Variants in TEX30 observed in about 807,000 individuals in gnomAD.
The protein encoded by TEX30 is testis expressed 30.
TEX30 carries 14 observed loss-of-function variants against 23.8 expected under a neutral mutation model. That is an observed-to-expected ratio of 0.59 (90% CI 0.39 to 0.92). The LOEUF (loss-of-function observed/expected upper bound fraction) is 0.92, where lower values mean the gene tolerates loss of function less well. Among genes scored for constraint, TEX30 ranks in the 40% least tolerant of loss-of-function variants. The probability of loss-of-function intolerance (pLI) is 0.00; values close to 1 mark genes in which losing one functional copy is unlikely to be tolerated. For synonymous variants in TEX30, 78 were observed against 90.2 expected (o/e 0.87, Z 0.76); for missense variants, 246 against 270.6 (o/e 0.91, Z 0.64).
In TEX30 at chr13:102,765,888, T is replaced by A. The variant is rs979103632; in HGVS notation, c.*513A>T. Reference sequence around the variant, plus strand: ...GTAATAAGCCTTCAGTGAACACTTCTTGAATTAAAGATCTTTATTTCATTC... The same window carrying A: ...GTAATAAGCCTTCAGTGAACACTTCATGAATTAAAGATCTTTATTTCATTC... On this transcript the variant is annotated 3_prime_UTR_variant, in exon 6 of 6. Coordinates refer to ENST00000376032, the MANE Select transcript of TEX30 (RefSeq NM_138779.5). The A allele has an allele frequency of 1.3e-5, 2 of 152,326 alleles. No individual in the cohort carries two copies. Among genetic ancestry groups the A allele is most frequent in the Non-Finnish European group, 2.9e-5 (2 of 68,114 alleles). The allele number at this position is 152,326 out of a possible 1,614,324, so 9.4% of individuals were successfully genotyped here.
chr13:102,772,017 A>G (rs1877357416), intron 1 of TEX30, among the ~76,000 whole-genome samples: 1 of 152,082 alleles, frequency 6.6e-6, no homozygotes, highest in Non-Finnish European at 1.5e-5. Flanking sequence ...TTCCTTTCCT[A>G]TTCTCCCATT....
chr13:102,770,174 T>C, intron 1 of TEX30, 88 bp from the exon 2 acceptor site: 1 of 446,850 alleles, frequency 2.2e-6, no homozygotes, highest in East Asian at 3.6e-5. Flanking sequence ...GTAGCTAAAA[T>C]AAACATTTAG....
At chr13:102,769,959 A>C in intron 2 of TEX30, 53 bp downstream of exon 2, 2 of 1,385,554 alleles carry the variant, frequency 1.4e-6, no homozygotes, top group South Asian at 1.8e-5. Flanking sequence ...ACATAATTAC[A>C]AACAAACAAA....
chr13:102,772,151 T>A (rs1037197007), intron 1 of TEX30, among the ~76,000 whole-genome samples: 5 of 152,178 alleles, frequency 3.3e-5, no homozygotes, highest in Non-Finnish European at 5.9e-5. Context: ...CTATTTTTTT[T>A]TTTTTTGAGA....
At chr13:102,770,130 G>C (rs929949979) in intron 1 of TEX30, 44 bp from the exon 2 acceptor site, 1 of 706,440 alleles carries the variant, frequency 1.4e-6, no homozygotes, top group African/African-American at 1.8e-5. Flanking sequence ...GGCAGACATG[G>C]ATATGACACA....
intron 5 of TEX30, 23 bp from the exon 6 acceptor site, chr13:102,766,603 A>G (rs754043002): frequency 6.2e-7 from 1 of 1,603,728 alleles, no homozygotes; most frequent in East Asian, 2.2e-5. Flanking sequence ...AGAAGAGGAT[A>G]CTAGACTAAT....
At chr13:102,769,821 G>A (rs1363771965) in intron 2 of TEX30, 191 bp downstream of exon 2, 3 of 528,944 alleles carry the variant, frequency 5.7e-6, no homozygotes, top group Admixed American at 7.7e-5. Flanking sequence ...TAAGTAACTT[G>A]CCCAAGGTTA....
At position 102,769,482 on chromosome 13, in the gene TEX30, G is replaced by A. The variant is rs1217097836; in HGVS notation, c.75C>T (p.Asn25=). The part of the protein sequence containing the change: ...KLLDAVCLVP[N]KSLTYGIILT... ...GAATTATTCCATATGTTAAGCTCTT[G>A]TTAGGTACCAAACAAACAGCATCTA... Residue 25 remains asparagine, a synonymous_variant, in exon 3 of 6, where the codon AAC becomes AAT. Transcript: ENST00000376032. 35 of 1,610,604 alleles carry A rather than the reference G, an allele frequency of 2.2e-5. No individual in the cohort carries two copies. The highest frequency in any genetic ancestry group is 3.0e-5 in the Non-Finnish European group (35 of 1,178,934).
At chr13:102,771,652 G>A (rs2139050739) in intron 1 of TEX30, among the ~76,000 whole-genome samples, 1 of 152,284 alleles carries the variant, frequency 6.6e-6, no homozygotes, top group Middle Eastern at 3.4e-3. Context: ...AAGCTTCAGT[G>A]TCCCTATCTT....
chr13:102,766,589 A>G lies in TEX30; in HGVS notation c.505-9T>C, dbSNP rs751165457. Reference sequence around the variant, plus strand: ...ACTTTCTCCAACAAGTTCTAAAGAGAAAAAGAAGAGGATACTAGACTAATG... The same window carrying G: ...ACTTTCTCCAACAAGTTCTAAAGAGGAAAAGAAGAGGATACTAGACTAATG... On this transcript the variant is annotated splice_polypyrimidine_tract_variant and intron_variant, in intron 5 of 5. Transcript: ENST00000376032. 21 of 1,609,842 alleles carry G rather than the reference A, an allele frequency of 1.3e-5. No homozygotes were observed. The African/African-American group carries it at 2.5e-4, about 20-fold the overall frequency.
Position 102,765,912 on chromosome 13 carries a change from T to A in TEX30, c.*489A>T, listed in dbSNP as rs1876834321. On this transcript the variant is annotated 3_prime_UTR_variant, in exon 6 of 6. Coordinates refer to ENST00000376032, the MANE Select transcript of TEX30 (RefSeq NM_138779.5). The stretch of plus-strand genomic sequence containing the variant: ...CTTGAATTAAAGATCTTTATTTCAT[T>A]CTAAAAAATCTTCAGGGTCCCCATA... 1 of 152,310 alleles carries A rather than the reference T, an allele frequency of 6.6e-6. No individual in the cohort carries two copies. Among genetic ancestry groups the A allele is most frequent in the Non-Finnish European group, 1.5e-5 (1 of 68,096 alleles). 9.4% of individuals were successfully genotyped at this position (152,310 alleles called of 1,614,324 possible).
At chr13:102,768,578 T>G in intron 3 of TEX30, among the ~76,000 whole-genome samples, 1 of 152,348 alleles carries the variant, frequency 6.6e-6, no homozygotes, top group East Asian at 1.9e-4. Flanking sequence ...CACTAAACTA[T>G]TTTTTAGAGA....
chr13:102,770,323 G>C lies in TEX30; in HGVS notation c.-60-237C>G, dbSNP rs555237487. 1.5e-4 allele frequency: 38 copies of C among 255,290 alleles called. No individual in the cohort carries two copies. In the South Asian group the frequency reaches 6.3e-3, roughly 42 times the overall value. The allele number at this position is 255,290 out of a possible 1,614,324, so 15.8% of individuals were successfully genotyped here. ...TGATACTTTGACATGGAAACTGTAA[G>C]GTAATTCATATCAAAGTAGGATGCT... On this transcript the variant is annotated intron_variant, in intron 1 of 5. Transcript: ENST00000376032.
intron 1 of TEX30, 45 bp from the exon 2 acceptor site, chr13:102,770,131 A>G: frequency 1.4e-6 from 1 of 701,540 alleles, no homozygotes; most frequent in Non-Finnish European, 2.1e-6. Flanking sequence ...GCAGACATGG[A>G]TATGACACAA....
At chr13:102,771,889 T>G (rs1310060296) in intron 1 of TEX30, among the ~76,000 whole-genome samples, 3 of 152,182 alleles carry the variant, frequency 2.0e-5, no homozygotes, top group Non-Finnish European at 2.9e-5. Context: ...ACCACCTTCA[T>G]TCCCAGTACC....
chr13:102,769,155 C>T (rs1226929336), intron 3 of TEX30, among the ~76,000 whole-genome samples, 156 bp downstream of exon 3: 1 of 152,072 alleles, frequency 6.6e-6, no homozygotes, highest in East Asian at 1.9e-4. Context: ...GGAAATCTGA[C>T]GACTAAAAAG....
chr13:102,773,302 C>G (rs1206837757), intron 1 of TEX30, among the ~76,000 whole-genome samples: 33 of 152,154 alleles, frequency 2.2e-4, no homozygotes, highest in Admixed American at 2.2e-3. Context: ...GCGCTCGGGG[C>G]ACGGGATCCG....
chr13:102,772,136 C>G (rs941096341), intron 1 of TEX30, among the ~76,000 whole-genome samples: 1 of 150,614 alleles, frequency 6.6e-6, no homozygotes, highest in Non-Finnish European at 1.5e-5. Context: ...ATTTAGAATG[C>G]TTCCCTATTT....
In TEX30 at chr13:102,770,000, C is replaced by A. The variant is rs118055120; in HGVS notation, c.15+12G>T. ...AGGAACCCTGAAGATGCAGAACATA[C>A]GAAAATATTACCTCTGTATGACTCA... On this transcript the variant is annotated intron_variant, in intron 2 of 5. Coordinates refer to ENST00000376032, the MANE Select transcript of TEX30 (RefSeq NM_138779.5). The A allele has an allele frequency of 2.1e-6, 3 of 1,445,662 alleles. No homozygotes were observed. The highest frequency in any genetic ancestry group is 2.7e-6 in the Non-Finnish European group (3 of 1,095,764). 89.6% of individuals were successfully genotyped at this position (1,445,662 alleles called of 1,614,324 possible). A position where few individuals can be genotyped will look rare whatever the true frequency, so the allele number is the denominator to read the frequency against.
Sources: gnomAD v4.1 joint callset for allele counts (sites outside exome capture counted in the v4.1 genomes callset) on GRCh38, gnomAD v4.1.1 for gene constraint, MANE v1.5 for transcripts, NCBI Gene and HGNC (gene_info 2026-07-23, HGNC 2026-07-21) for gene names.